The following SH3GL2 variants were observed in gnomAD, a reference collection of about 807,000 sequenced individuals.
SH3GL2 encodes endophilin-A1.
In SH3GL2, 24 loss-of-function variants were observed where a neutral mutation model predicts 46.0. The observed-to-expected ratio is 0.52, with a 90% CI of 0.38 to 0.73. SH3GL2 has a LOEUF of 0.73. Among genes scored for constraint, SH3GL2 ranks in the 30% least tolerant of loss-of-function variants. SH3GL2 has a pLI of 0.00. For synonymous variants in SH3GL2, 196 were observed against 147.1 expected (o/e 1.33, Z -2.40); for missense variants, 413 against 424.2 (o/e 0.97, Z 0.23).
chr9:17,759,080 AG>A (rs1823093398), intron 2 of SH3GL2, among the ~76,000 whole-genome samples: 1 of 152,106 alleles, frequency 6.6e-6, no homozygotes, highest in Non-Finnish European at 1.5e-5. Flanking sequence ...TTAAAAGGGA[AG>A]GGGGTTCTGT....
At chr9:17,635,921 G>C (rs1316393605) in intron 1 of SH3GL2, among the ~76,000 whole-genome samples, 5 of 152,184 alleles carry the variant, frequency 3.3e-5, no homozygotes, top group African/African-American at 1.2e-4. Context: ...TTATCAGCCT[G>C]GTCACAGCAG....
chr9:17,666,324 A>G (rs796974884), intron 1 of SH3GL2, among the ~76,000 whole-genome samples: 5 of 152,216 alleles, frequency 3.3e-5, no homozygotes, highest in African/African-American at 1.2e-4. Context: ...TTATTTGGAT[A>G]TATGAAACAG....
At chr9:17,657,299 G>C (rs1347092249) in intron 1 of SH3GL2, among the ~76,000 whole-genome samples, 2 of 152,172 alleles carry the variant, frequency 1.3e-5, no homozygotes, top group African/African-American at 4.8e-5. Context: ...AGTGAATGCT[G>C]TCATAGATGT....
At chr9:17,692,784 A>G (rs908750451) in intron 1 of SH3GL2, among the ~76,000 whole-genome samples, 2 of 152,140 alleles carry the variant, frequency 1.3e-5, no homozygotes, top group African/African-American at 4.8e-5. Flanking sequence ...ACTAGGAACA[A>G]AGAGAGGTTT....
At chr9:17,723,941 C>T (rs186353478) in intron 1 of SH3GL2, among the ~76,000 whole-genome samples, 101 of 152,106 alleles carry the variant, frequency 6.6e-4, no homozygotes, top group African/African-American at 2.2e-3. Context: ...TATCTTTCAA[C>T]GTTTTGAAGT....
chr9:17,579,647 A>G (rs1818238852), intron 1 of SH3GL2, among the ~76,000 whole-genome samples: 4 of 152,238 alleles, frequency 2.6e-5, no homozygotes. Context: ...GATTATGTAA[A>G]GTCGCCTCTT....
chr9:17,790,207 G>T (rs1824084139), intron 6 of SH3GL2, among the ~76,000 whole-genome samples: 1 of 152,176 alleles, frequency 6.6e-6, no homozygotes. Flanking sequence ...TCTGGGTCCT[G>T]AGCTGAGTGG....
intron 1 of SH3GL2, among the ~76,000 whole-genome samples, chr9:17,734,755 C>T (rs1289672945): frequency 6.6e-6 from 1 of 151,940 alleles, no homozygotes; most frequent in Non-Finnish European, 1.5e-5. Context: ...GTAGGTAAAT[C>T]CATAGAGACA....
At chr9:17,787,012 C>T (rs140815677) in intron 4 of SH3GL2, among the ~76,000 whole-genome samples, 1,609 of 152,298 alleles carry the variant, frequency 0.011, 18 homozygotes, top group South Asian at 0.023. Context: ...TCTATTTTCA[C>T]CCCCTTGTGA....
At chr9:17,693,649 CA>C (rs1175595208) in intron 1 of SH3GL2, among the ~76,000 whole-genome samples, 3 of 152,142 alleles carry the variant, frequency 2.0e-5, no homozygotes, top group African/African-American at 7.2e-5. Flanking sequence ...TAAAACTGGA[CA>C]GCAAAATTGC....
At chr9:17,676,458 T>G (rs892072580) in intron 1 of SH3GL2, among the ~76,000 whole-genome samples, 8 of 152,112 alleles carry the variant, frequency 5.3e-5, no homozygotes, top group African/African-American at 1.9e-4. Flanking sequence ...ATACTAAAAT[T>G]AGCTGGGCAT....
intron 1 of SH3GL2, among the ~76,000 whole-genome samples, chr9:17,744,641 T>C (rs1215827946): frequency 6.6e-6 from 1 of 152,178 alleles, no homozygotes; most frequent in Non-Finnish European, 1.5e-5. Flanking sequence ...ATGCTAGGAT[T>C]ACAGGTGTGA....
chr9:17,780,630 C>T (rs899001893), intron 3 of SH3GL2, among the ~76,000 whole-genome samples: 23 of 114,390 alleles, frequency 2.0e-4, no homozygotes, highest in African/African-American at 5.8e-4. Context: ...TCCCTCCCCC[C>T]TCCCCCGACC....
At position 17,747,152 on chromosome 9, in the gene SH3GL2, C is replaced by T. The variant is rs1822713243; in HGVS notation, c.114+18C>T. 2.0e-6 allele frequency: 3 copies of T among 1,514,744 alleles called. No individual in the cohort carries two copies. The highest frequency in any genetic ancestry group is 2.7e-6 in the Non-Finnish European group (3 of 1,097,462). 93.8% of individuals were successfully genotyped at this position (1,514,744 alleles called of 1,614,324 possible). A position where few individuals can be genotyped will look rare whatever the true frequency, so the allele number is the denominator to read the frequency against. On this transcript the variant is annotated intron_variant, in intron 2 of 8. Coordinates refer to ENST00000380607, the MANE Select transcript of SH3GL2 (RefSeq NM_003026.5). ...TGGAAAGGGTAAGCCTTCACTACTG[C>T]CTAGTGTTCCCTTTGACATAAACAT...
intron 1 of SH3GL2, among the ~76,000 whole-genome samples, chr9:17,719,293 C>T (rs945379416): frequency 1.1e-4 from 17 of 152,148 alleles, no homozygotes; most frequent in African/African-American, 4.1e-4. Context: ...AACTCTAACA[C>T]TTCAAACATT....
chr9:17,597,417 C>T (rs192814086), intron 1 of SH3GL2, among the ~76,000 whole-genome samples: 150 of 151,518 alleles, frequency 9.9e-4, no homozygotes, highest in African/African-American at 3.5e-3. Flanking sequence ...CTCGGGAGGC[C>T]GAGGCAGGAG....
chr9:17,722,465 C>T (rs1821919087), intron 1 of SH3GL2, among the ~76,000 whole-genome samples: 1 of 151,938 alleles, frequency 6.6e-6, no homozygotes, highest in Non-Finnish European at 1.5e-5. Flanking sequence ...CACTCTAAAC[C>T]TTTTGTGATT....
chr9:17,594,701 C>T (rs1217615389), intron 1 of SH3GL2, among the ~76,000 whole-genome samples: 1 of 148,100 alleles, frequency 6.8e-6, no homozygotes, highest in Non-Finnish European at 1.5e-5. Flanking sequence ...GTGCTCGGCT[C>T]ACTGCTATAC....
intron 1 of SH3GL2, among the ~76,000 whole-genome samples, chr9:17,668,416 C>T (rs1820395079): frequency 6.6e-6 from 1 of 152,184 alleles, no homozygotes; most frequent in Non-Finnish European, 1.5e-5. Context: ...TGTCCGTCAA[C>T]AATCAGATGC....
Sources: allele counts gnomAD v4.1 joint callset (sites outside exome capture counted in the v4.1 genomes callset), GRCh38; gene constraint gnomAD v4.1.1; transcripts MANE v1.5; gene names NCBI Gene and HGNC (gene_info 2026-07-23, HGNC 2026-07-21).